NDUFAF4: variants seen among roughly 807,000 people sequenced by gnomAD.
NDUFAF4 encodes the protein NADH:ubiquinone oxidoreductase complex assembly factor 4.
In NDUFAF4, 10 loss-of-function variants were observed where a neutral mutation model predicts 15.6. The observed-to-expected ratio is 0.64, with a 90% CI of 0.40 to 1.09. NDUFAF4 has a LOEUF of 1.09. Ranked by LOEUF, NDUFAF4 falls within the 50% of genes least tolerant of loss-of-function variation. The pLI is 0.01. For missense variants in NDUFAF4, 203 were observed against 207.3 expected (o/e 0.98, Z 0.13); for synonymous variants, 77 against 73.3 (o/e 1.05, Z -0.26).
rs1775285730 is a variant in NDUFAF4, at chr6:96,889,497, T to C, written c.*1607A>G. 1 of 152,328 alleles carries C rather than the reference T, an allele frequency of 6.6e-6. No homozygotes were observed. Among genetic ancestry groups the C allele is most frequent in the Non-Finnish European group, 1.5e-5 (1 of 68,038 alleles). 9.4% of individuals were successfully genotyped at this position (152,328 alleles called of 1,614,324 possible). A position where few individuals can be genotyped will look rare whatever the true frequency, so the allele number is the denominator to read the frequency against. ...TTATTTACAGTTTTAAAATGCATTT[T>C]ATATTGAGTAGTTATTTCATGTTTT... On this transcript the variant is annotated 3_prime_UTR_variant, in exon 3 of 3. Coordinates refer to ENST00000316149, the MANE Select transcript of NDUFAF4 (RefSeq NM_014165.4).
intron 2 of NDUFAF4, among the ~76,000 whole-genome samples, chr6:96,891,676 C>A (rs569991718): frequency 6.6e-6 from 1 of 151,892 alleles, no homozygotes; most frequent in African/African-American, 2.4e-5. Context: ...CCCCCACACC[C>A]CGCTTCTGCT....
intron 1 of NDUFAF4, 53 bp downstream of exon 1, chr6:96,897,613 G>A (rs1775403083): frequency 6.2e-7 from 1 of 1,609,834 alleles, no homozygotes; most frequent in East Asian, 2.2e-5. Context: ...GGACAGCCGG[G>A]CAGCACAGGG....
rs1775308050 is a variant in NDUFAF4, at chr6:96,891,027, A to G, written c.*77T>C. 7.5e-7 allele frequency: 1 copy of G among 1,332,492 alleles called. No homozygotes were observed. The highest frequency in any genetic ancestry group is 1.1e-6 in the Non-Finnish European group (1 of 943,204). The allele number at this position is 1,332,492 out of a possible 1,614,324, so 82.5% of individuals were successfully genotyped here. ...GCATTAAATATTTGGTAATTAACAT[A>G]ATTTATTACGCAAAAAATGAGAAAA... is the stretch of plus-strand genomic sequence containing the variant. On this transcript the variant is annotated 3_prime_UTR_variant, in exon 3 of 3. Coordinates refer to ENST00000316149, the MANE Select transcript of NDUFAF4 (RefSeq NM_014165.4).
intron 2 of NDUFAF4, among the ~76,000 whole-genome samples, chr6:96,893,793 T>C (rs143537178): frequency 6.6e-6 from 1 of 152,114 alleles, no homozygotes; most frequent in African/African-American, 2.4e-5. Context: ...ATAAGTATTT[T>C]TTAATCGAAA....
intron 2 of NDUFAF4, among the ~76,000 whole-genome samples, chr6:96,894,942 GAAATATCAACACA>G (rs1203523314): frequency 1.4e-5 from 2 of 143,056 alleles, no homozygotes; most frequent in Non-Finnish European, 3.2e-5. Flanking sequence ...AAGACTATAA[GAAATATCAACACA>G]CATTATAAAG....
chr6:96,892,747 C>T (rs1402965771), intron 2 of NDUFAF4, among the ~76,000 whole-genome samples: 1 of 152,032 alleles, frequency 6.6e-6, no homozygotes, highest in Non-Finnish European at 1.5e-5. Context: ...GGGTTTTATT[C>T]ATGGACCCTT....
intron 1 of NDUFAF4, 91 bp from the exon 2 acceptor site, chr6:96,896,938 C>CT: frequency 1.0e-6 from 1 of 995,660 alleles, no homozygotes. Flanking sequence ...CTTTTATTTT[C>CT]TTTTTTGAGT....
chr6:96,894,157 TCAAACTG>T (rs1775344863), intron 2 of NDUFAF4, among the ~76,000 whole-genome samples: 1 of 152,172 alleles, frequency 6.6e-6, no homozygotes, highest in Admixed American at 6.5e-5. Context: ...TCCATAAGGT[TCAAACTG>T]CAAACCATTC....
At chr6:96,891,694 G>A (rs1775318616) in intron 2 of NDUFAF4, among the ~76,000 whole-genome samples, 1 of 151,704 alleles carries the variant, frequency 6.6e-6, no homozygotes, top group Non-Finnish European at 1.5e-5. Flanking sequence ...GCTTGCTCTG[G>A]CAATATAAGC....
chr6:96,896,685 T>C (rs1014659109), intron 2 of NDUFAF4, 59 bp downstream of exon 2: 11 of 1,363,672 alleles, frequency 8.1e-6, no homozygotes, highest in Middle Eastern at 2.5e-4. Context: ...CACTTAATCA[T>C]TTTCCTGAAG....
chr6:96,895,459 G>A (rs1307077487), intron 2 of NDUFAF4, among the ~76,000 whole-genome samples: 1 of 152,110 alleles, frequency 6.6e-6, no homozygotes, highest in Non-Finnish European at 1.5e-5. Flanking sequence ...GGCAATTCCA[G>A]TTTTCATTAT....
intron 2 of NDUFAF4, among the ~76,000 whole-genome samples, 164 bp downstream of exon 2, chr6:96,896,580 G>A (rs1012513506): frequency 2.6e-5 from 4 of 152,192 alleles, no homozygotes; most frequent in Non-Finnish European, 4.4e-5. Context: ...AGGCATAAGT[G>A]TCTTGCTGTC....
chr6:96,891,665 T>G (rs972545260), intron 2 of NDUFAF4, among the ~76,000 whole-genome samples: 1 of 151,660 alleles, frequency 6.6e-6, no homozygotes, highest in African/African-American at 2.4e-5. Context: ...GTGTAGCACC[T>G]CCCCCACACC....
chr6:96,889,995 C>T lies in NDUFAF4; in HGVS notation c.*1109G>A, dbSNP rs991058152. 7 of 152,032 alleles carry T rather than the reference C, an allele frequency of 4.6e-5. No individual in the cohort carries two copies. The highest frequency in any genetic ancestry group is 1.7e-4 in the African/African-American group (7 of 41,416). 9.4% of individuals were successfully genotyped at this position (152,032 alleles called of 1,614,324 possible). ...TTATTTATCTTCATGATAACCCTTA[C>T]ATTTAGGGTAGCATTATGCTTATTT... On this transcript the variant is annotated 3_prime_UTR_variant, in exon 3 of 3. Coordinates refer to ENST00000316149, the MANE Select transcript of NDUFAF4 (RefSeq NM_014165.4).
At chr6:96,897,560 G>A (rs1775401895) in intron 1 of NDUFAF4, 106 bp downstream of exon 1, 1 of 1,503,156 alleles carries the variant, frequency 6.7e-7, no homozygotes, top group Non-Finnish European at 9.0e-7. Flanking sequence ...GGCTGCGGCC[G>A]AGCAGGCTGA....
chr6:96,890,897 T>A lies in NDUFAF4; in HGVS notation c.*207A>T. The A allele has an allele frequency of 1.9e-6, 1 of 523,184 alleles. No homozygotes were observed. The highest frequency in any genetic ancestry group is 2.1e-5 in the South Asian group (1 of 46,868). 32.4% of individuals were successfully genotyped at this position (523,184 alleles called of 1,614,324 possible). On this transcript the variant is annotated 3_prime_UTR_variant, in exon 3 of 3. Transcript: ENST00000316149. ...GCTCAGTCATGCTGACATGCACTTA[T>A]GAAATATGCCTAAACCAAATTAAAA...
intron 1 of NDUFAF4, 175 bp from the exon 2 acceptor site, chr6:96,897,022 G>A (rs1775386159): frequency 1.8e-6 from 1 of 562,164 alleles, no homozygotes; most frequent in Non-Finnish European, 3.2e-6. Flanking sequence ...CGCCTCCCGG[G>A]TTCGAGAGAT....
In NDUFAF4 at chr6:96,891,115, G is replaced by T. The variant is rs201348742; in HGVS notation, c.517C>A (p.Arg173=). The change falls in exon 3 of 3, where the codon CGA becomes AGA. Residue 173 remains arginine (R), a synonymous_variant. Coordinates refer to ENST00000316149, the MANE Select transcript of NDUFAF4 (RefSeq NM_014165.4). ...IFPPEDKKAI[R]SK is the part of the protein sequence containing the mutation. ...TTCTGTGATTTTCTTCATTTTGATCGTATTGCTTTCTTGTCTTCAGGAGGG... is the reference window on the plus strand; with the variant it reads ...TTCTGTGATTTTCTTCATTTTGATCTTATTGCTTTCTTGTCTTCAGGAGGG... The T allele has an allele frequency of 6.2e-7, 1 of 1,612,294 alleles. No homozygotes were observed. Among genetic ancestry groups the T allele is most frequent in the Non-Finnish European group, 8.5e-7 (1 of 1,179,298 alleles).
chr6:96,896,963 G>T, intron 1 of NDUFAF4, 116 bp from the exon 2 acceptor site: 1 of 805,190 alleles, frequency 1.2e-6, no homozygotes, highest in Non-Finnish European at 2.1e-6. Context: ...GTCTCGCTCT[G>T]TTGCCCAGAC....
Sources: gnomAD v4.1 joint callset for allele counts (sites outside exome capture counted in the v4.1 genomes callset) on GRCh38, gnomAD v4.1.1 for gene constraint, MANE v1.5 for transcripts, NCBI Gene and HGNC (gene_info 2026-07-23, HGNC 2026-07-21) for gene names.